The following PIBF1 variants were observed in gnomAD, a reference collection of about 807,000 sequenced individuals.
The protein encoded by PIBF1 is progesterone immunomodulatory binding factor 1.
A neutral mutation model predicts 112.5 loss-of-function variants in PIBF1; 90 were observed. That is an observed-to-expected ratio of 0.80 (90% CI 0.67 to 0.95). The LOEUF (loss-of-function observed/expected upper bound fraction) is 0.95, where lower values mean the gene tolerates loss of function less well. Among genes scored for constraint, PIBF1 ranks in the 40% least tolerant of loss-of-function variants. PIBF1 has a pLI of 0.00. For missense variants in PIBF1, 915 were observed against 852.3 expected (o/e 1.07, Z -0.92); for synonymous variants, 301 against 288.6 (o/e 1.04, Z -0.44).
chr13:72,803,706 G>A (rs1178217338), intron 5 of PIBF1, among the ~76,000 whole-genome samples: 1 of 152,156 alleles, frequency 6.6e-6, no homozygotes, highest in African/African-American at 2.4e-5. Context: ...AACAACTGAA[G>A]AATATATTTA....
Position 72,911,370 on chromosome 13 carries a change from A to G in PIBF1, c.1639+2689A>G, listed in dbSNP as rs565698296. On this transcript the variant is annotated intron_variant, in intron 12 of 17. Coordinates refer to ENST00000326291, the MANE Select transcript of PIBF1 (RefSeq NM_006346.4). ...TAATAATTTCATTTTTAACAAAGGC[A>G]GCAAAGCAAACAAATGGAGAAAGGA... 8.9e-4 allele frequency among the ~76,000 whole-genome samples: 136 copies of G among 152,028 alleles called. 1 individual carries two copies. Among genetic ancestry groups the G allele is most frequent in the Middle Eastern group, 3.2e-3 (1 of 316 alleles).
At chr13:72,987,860 T>TTATTTATTTATTTA (rs1303936987) in intron 16 of PIBF1, among the ~76,000 whole-genome samples, 1 of 65,796 alleles carries the variant, frequency 1.5e-5, no homozygotes, top group African/African-American at 5.8e-5. Context: ...ATTTATTTAT[T>TTATTTATTTATTTA]TTTTTTTTTT....
At chr13:72,898,063 A>C (rs1437861216) in intron 11 of PIBF1, among the ~76,000 whole-genome samples, 1 of 152,230 alleles carries the variant, frequency 6.6e-6, no homozygotes, top group Admixed American at 6.5e-5. Context: ...CTGATAGGCC[A>C]TAAAATGAGC....
chr13:72,947,729 T>A (rs1045108504), intron 14 of PIBF1, among the ~76,000 whole-genome samples: 1 of 152,124 alleles, frequency 6.6e-6, no homozygotes, highest in Non-Finnish European at 1.5e-5. Flanking sequence ...AGCAATCCCA[T>A]CATTGGGTAT....
intron 2 of PIBF1, among the ~76,000 whole-genome samples, chr13:72,785,766 C>T (rs2034566303): frequency 6.6e-6 from 1 of 152,326 alleles, no homozygotes; most frequent in Non-Finnish European, 1.5e-5. Context: ...CATTAATTCA[C>T]CCACTCAGTC....
chr13:72,788,635 C>T (rs1487747713), intron 2 of PIBF1, among the ~76,000 whole-genome samples: 5 of 152,164 alleles, frequency 3.3e-5, no homozygotes, highest in African/African-American at 1.2e-4. Context: ...AGTCAGTCCT[C>T]TTTAAAGAGT....
At chr13:72,842,368 G>A (rs897383914) in intron 9 of PIBF1, among the ~76,000 whole-genome samples, 1 of 152,134 alleles carries the variant, frequency 6.6e-6, no homozygotes, top group Non-Finnish European at 1.5e-5. Context: ...TGTTTGAAAG[G>A]GGGTAGGCAG....
At chr13:73,014,903 G>A (rs1215936564) in intron 17 of PIBF1, among the ~76,000 whole-genome samples, 2 of 152,120 alleles carry the variant, frequency 1.3e-5, no homozygotes, top group Non-Finnish European at 2.9e-5. Context: ...TCCTGTCTCA[G>A]CCTCCCGAGT....
chr13:72,800,909 A>C (rs368353346), intron 5 of PIBF1, among the ~76,000 whole-genome samples: 12 of 152,348 alleles, frequency 7.9e-5, no homozygotes, highest in African/African-American at 2.6e-4. Flanking sequence ...GTTGGCTAGT[A>C]GGTCTCATTA....
chr13:72,914,469 T>C lies in PIBF1; in HGVS notation c.1640-2607T>C, dbSNP rs556494167. On this transcript the variant is annotated intron_variant, in intron 12 of 17. Coordinates refer to ENST00000326291, the MANE Select transcript of PIBF1 (RefSeq NM_006346.4). Reference sequence around the variant, plus strand: ...TAACCTTCACTAGGCATTTGTCGAATTTCTCAGAACTCCCTTCTCTTTGCT... The same window carrying C: ...TAACCTTCACTAGGCATTTGTCGAACTTCTCAGAACTCCCTTCTCTTTGCT... Among the ~76,000 whole-genome samples the C allele has an allele frequency of 6.4e-4, 98 of 152,320 alleles. 1 individual carries two copies. Among genetic ancestry groups the C allele is most frequent in the African/African-American group, 2.4e-3 (98 of 41,574 alleles).
At chr13:72,894,757 A>G (rs1487391792) in intron 11 of PIBF1, among the ~76,000 whole-genome samples, 1 of 126,686 alleles carries the variant, frequency 7.9e-6, no homozygotes, top group African/African-American at 3.4e-5. Context: ...TAATATATAT[A>G]TTATATATAT....
At chr13:72,996,590 C>A (rs1566532116) in intron 16 of PIBF1, among the ~76,000 whole-genome samples, 1 of 152,132 alleles carries the variant, frequency 6.6e-6, no homozygotes, top group African/African-American at 2.4e-5. Context: ...GAGTGAGAGA[C>A]CAGCCTGAGC....
chr13:72,885,191 C>T (rs1321134358), intron 10 of PIBF1, among the ~76,000 whole-genome samples: 1 of 152,088 alleles, frequency 6.6e-6, no homozygotes, highest in East Asian at 1.9e-4. Context: ...ATTATCCACA[C>T]TGTATATTTT....
At chr13:72,814,426 ACTT>A (rs994595241) in intron 5 of PIBF1, among the ~76,000 whole-genome samples, 7 of 146,610 alleles carry the variant, frequency 4.8e-5, no homozygotes, top group African/African-American at 1.7e-4. Context: ...ACAAAGCAAG[ACTT>A]CGTCTCAAAA....
chr13:72,895,075 G>C (rs921453367), intron 11 of PIBF1, among the ~76,000 whole-genome samples: 1 of 151,780 alleles, frequency 6.6e-6, no homozygotes, highest in African/African-American at 2.4e-5. Flanking sequence ...AGTGAGCTGA[G>C]ATCACATCAC....
intron 11 of PIBF1, among the ~76,000 whole-genome samples, chr13:72,907,381 G>T (rs1354921920): frequency 2.0e-5 from 3 of 152,024 alleles, no homozygotes; most frequent in Non-Finnish European, 4.4e-5. Flanking sequence ...GAAAATAGTT[G>T]TCTTTAAAAG....
At chr13:72,796,918 A>G (rs1366265343) in intron 4 of PIBF1, among the ~76,000 whole-genome samples, 1 of 152,190 alleles carries the variant, frequency 6.6e-6, no homozygotes, top group African/African-American at 2.4e-5. Flanking sequence ...TTTGCCTCTT[A>G]CCAAATAATG....
intron 10 of PIBF1, among the ~76,000 whole-genome samples, chr13:72,869,975 T>C (rs1238954233): frequency 6.6e-6 from 1 of 152,222 alleles, no homozygotes; most frequent in Non-Finnish European, 1.5e-5. Flanking sequence ...TTTCTTTTTA[T>C]TAATTTTGTT....
At position 72,827,841 on chromosome 13, in the gene PIBF1, G is replaced by T. The variant is rs1034301777; in HGVS notation, c.1024G>T (p.Glu342Ter). Residue 342 changes from glutamate (E) to a stop codon, truncating the protein, a stop_gained, in exon 8 of 18, where the codon GAA (glutamate) becomes TAA (stop). Transcript: ENST00000326291. LOFTEE classifies it high-confidence loss of function. ...VRCAHEEDRL[E>*]RLQAQLEESK... Reference sequence around the variant, plus strand: ...CTGTGCTCATGAAGAGGATCGCCTTGAAAGACTTCAAGCTCAACTGGAAGA... The same window carrying T: ...CTGTGCTCATGAAGAGGATCGCCTTTAAAGACTTCAAGCTCAACTGGAAGA... 6 of 1,598,590 alleles carry T rather than the reference G, an allele frequency of 3.8e-6. No homozygotes were observed. Among genetic ancestry groups the T allele is most frequent in the Non-Finnish European group, 5.1e-6 (6 of 1,172,458 alleles).
Sources: allele counts gnomAD v4.1 joint callset (sites outside exome capture counted in the v4.1 genomes callset), GRCh38; gene constraint gnomAD v4.1.1; transcripts MANE v1.5; gene names NCBI Gene and HGNC (gene_info 2026-07-23, HGNC 2026-07-21).